FHIP1A: variants seen among roughly 807,000 people sequenced by gnomAD.
FHIP1A encodes FHF complex subunit HOOK interacting protein 1A.
In FHIP1A, 61 loss-of-function variants were observed where a neutral mutation model predicts 88.6. The ratio of observed to expected loss-of-function variants is 0.69; its 90% CI spans 0.56 to 0.85. The LOEUF is 0.85. Ranked by LOEUF, FHIP1A falls within the 40% of genes least tolerant of loss-of-function variation. The pLI, the probability that FHIP1A is intolerant of heterozygous loss-of-function variation, is 0.00. For synonymous variants in FHIP1A, 478 were observed against 496.0 expected (o/e 0.96, Z 0.48); for missense variants, 1,154 against 1,273.5 (o/e 0.91, Z 1.43).
At chr4:151,453,761 G>A (rs955482132) in intron 1 of FHIP1A, among the ~76,000 whole-genome samples, 14 of 152,064 alleles carry the variant, frequency 9.2e-5, no homozygotes, top group Non-Finnish European at 1.8e-4. Context: ...AGAATCGCTT[G>A]AACTGGGAGG....
chr4:151,573,134 G>A (rs573373561), intron 4 of FHIP1A, among the ~76,000 whole-genome samples: 1 of 152,206 alleles, frequency 6.6e-6, no homozygotes, highest in African/African-American at 2.4e-5. Context: ...TTTGAAATTA[G>A]GTTAAATTTA....
At chr4:151,539,297 C>T (rs1470036454) in intron 3 of FHIP1A, among the ~76,000 whole-genome samples, 2 of 152,044 alleles carry the variant, frequency 1.3e-5, no homozygotes, top group South Asian at 2.1e-4. Flanking sequence ...GTACAGTAGA[C>T]GTGGCCAGGC....
intron 2 of FHIP1A, among the ~76,000 whole-genome samples, chr4:151,480,832 C>A (rs28502777): frequency 0.38 from 57,713 of 151,634 alleles, 11,206 homozygotes; most frequent in Non-Finnish European, 0.43. Flanking sequence ...TGTGTCCCCC[C>A]ACCCCCATTT....
chr4:151,596,730 C>G (rs956977645), intron 7 of FHIP1A, among the ~76,000 whole-genome samples: 1 of 152,062 alleles, frequency 6.6e-6, no homozygotes, highest in Non-Finnish European at 1.5e-5. Context: ...CCTTTTCATT[C>G]TTTTTTTCTC....
intron 3 of FHIP1A, among the ~76,000 whole-genome samples, chr4:151,545,598 C>T (rs889527453): frequency 1.3e-5 from 2 of 151,718 alleles, no homozygotes; most frequent in Non-Finnish European, 2.9e-5. Flanking sequence ...AGGATGGTCT[C>T]GATCTCCTGA....
intron 1 of FHIP1A, among the ~76,000 whole-genome samples, chr4:151,411,214 A>C (rs1026580743): frequency 1.3e-5 from 2 of 152,204 alleles, no homozygotes; most frequent in African/African-American, 4.8e-5. Context: ...TTTCTCTGCT[A>C]AGTTCTTTCT....
intron 1 of FHIP1A, among the ~76,000 whole-genome samples, chr4:151,423,961 T>C (rs1195712082): frequency 3.3e-5 from 5 of 152,176 alleles, no homozygotes; most frequent in African/African-American, 9.7e-5. Flanking sequence ...CTAAACCATA[T>C]AGAAGGGGGA....
In FHIP1A at chr4:151,662,515, G is replaced by A. The variant is rs1326454435; in HGVS notation, c.2884G>A (p.Ala962Thr). 7 of 1,535,800 alleles carry A rather than the reference G, an allele frequency of 4.6e-6. No individual in the cohort carries two copies. Among genetic ancestry groups the A allele is most frequent in the Non-Finnish European group, 6.2e-6 (7 of 1,136,612 alleles). ...TCTGCTTTCAGATCCCATTCAGGAG[G>A]CTTCCAGGACAGGAAGTGGCAAGAA... is the stretch of plus-strand genomic sequence containing the variant. ...AALTKDPIQE[A>T]SRTGSGKNLL... The change falls in exon 14 of 14, where the codon GCT becomes ACT. Residue 962 changes from alanine (A) to threonine (T), a missense_variant. Ala to Thr is a moderately conservative substitution (Grantham distance 58). Transcript: ENST00000435205.
chr4:151,476,546 A>T lies in FHIP1A; in HGVS notation c.-247-5978A>T, dbSNP rs17634280. Among the ~76,000 whole-genome samples, 1,617 of 152,292 alleles carry T rather than the reference A, an allele frequency of 0.011. 111 individuals are homozygous for T. In the South Asian group the frequency reaches 0.21, roughly 20 times the overall value. On this transcript the variant is annotated intron_variant, in intron 2 of 13. Transcript: ENST00000435205. ...CTCAACCTAAAACCATCTGAGCCTAAATAGGAAATTTGAGAGCATTTCCAT... is the reference window on the plus strand; with the variant it reads ...CTCAACCTAAAACCATCTGAGCCTATATAGGAAATTTGAGAGCATTTCCAT...
intron 7 of FHIP1A, among the ~76,000 whole-genome samples, chr4:151,592,324 TGG>T (rs1734469244): frequency 6.6e-6 from 1 of 152,058 alleles, no homozygotes; most frequent in Non-Finnish European, 1.5e-5. Flanking sequence ...TTAGTAGAGA[TGG>T]GGTTTCACTG....
At chr4:151,464,610 G>C (rs548473287) in intron 2 of FHIP1A, among the ~76,000 whole-genome samples, 70 of 152,256 alleles carry the variant, frequency 4.6e-4, no homozygotes, top group Non-Finnish European at 8.5e-4. Flanking sequence ...ACTGCTCCAA[G>C]TTCTTCCTCT....
chr4:151,578,839 A>G (rs1347658897), intron 5 of FHIP1A, among the ~76,000 whole-genome samples: 1 of 152,226 alleles, frequency 6.6e-6, no homozygotes, highest in Non-Finnish European at 1.5e-5. Context: ...AAAACTTGGA[A>G]GCAACCAAGA....
rs1370735007 is a variant in FHIP1A at position 151,577,490 on chromosome 4, C to G, written c.146C>G (p.Thr49Ser). Reference sequence around the variant, plus strand: ...GAGAAGCACGACCCCTTGAAGAACACCCAGGCAAAATATGGGTCTATCCCT... The same window carrying G: ...GAGAAGCACGACCCCTTGAAGAACAGCCAGGCAAAATATGGGTCTATCCCT... Reference protein sequence around the residue: ...ILEKHDPLKNTQAKYGSIPPD... With the variant: ...ILEKHDPLKNSQAKYGSIPPD... The change falls in exon 5 of 14, where the codon ACC becomes AGC. Residue 49 changes from threonine to serine, a missense_variant. Physicochemically the swap from Thr to Ser is moderately conservative, Grantham distance 58. Transcript: ENST00000435205. 2 of 1,547,094 alleles carry G rather than the reference C, an allele frequency of 1.3e-6. No individual in the cohort carries two copies. Among genetic ancestry groups the G allele is most frequent in the Non-Finnish European group, 1.7e-6 (2 of 1,143,856 alleles).
chr4:151,597,204 G>C (rs562603058), intron 7 of FHIP1A, among the ~76,000 whole-genome samples: 1 of 152,210 alleles, frequency 6.6e-6, no homozygotes, highest in South Asian at 2.1e-4. Context: ...CTTCGGATGG[G>C]GTTTTTGAGT....
chr4:151,422,934 T>C (rs1250221412), intron 1 of FHIP1A, among the ~76,000 whole-genome samples: 1 of 152,190 alleles, frequency 6.6e-6, no homozygotes, highest in Non-Finnish European at 1.5e-5. Flanking sequence ...CCCCTCTCTT[T>C]CTAAGCTATT....
intron 3 of FHIP1A, among the ~76,000 whole-genome samples, chr4:151,506,074 A>G (rs530305555): frequency 2.6e-5 from 4 of 152,168 alleles, no homozygotes; most frequent in African/African-American, 7.2e-5. Flanking sequence ...AGCACATGCC[A>G]CCATGCATGG....
chr4:151,468,987 A>G (rs1217620516), intron 2 of FHIP1A, among the ~76,000 whole-genome samples: 1 of 151,816 alleles, frequency 6.6e-6, no homozygotes, highest in Non-Finnish European at 1.5e-5. Context: ...CCCAAGAACC[A>G]CCCCTGATAG....
At chr4:151,438,605 C>CTTTTTT (rs200467402) in intron 1 of FHIP1A, among the ~76,000 whole-genome samples, 2,838 of 132,344 alleles carry the variant, frequency 0.021, 57 homozygotes, top group Non-Finnish European at 0.025. Context: ...CGGTTTTTGC[C>CTTTTTT]TTTTTTTTTT....
rs868153800 is a variant in FHIP1A, at chr4:151,551,906, G to A, written c.-122-14232G>A. ...GAGTGAACAGGCAACCTACAGAATG[G>A]GAGAAAATTTTTGCAATCTACCCAT... On this transcript the variant is annotated intron_variant, in intron 3 of 13. Coordinates refer to ENST00000435205, the MANE Select transcript of FHIP1A (RefSeq NM_001109977.3). Among the ~76,000 whole-genome samples, 10 of 152,100 alleles carry A rather than the reference G, an allele frequency of 6.6e-5. No individual in the cohort carries two copies. In the Middle Eastern group the frequency reaches 0.014, roughly 207 times the overall value.
Sources: allele counts gnomAD v4.1 joint callset (sites outside exome capture counted in the v4.1 genomes callset), GRCh38; gene constraint gnomAD v4.1.1; transcripts MANE v1.5; gene names NCBI Gene and HGNC (gene_info 2026-07-23, HGNC 2026-07-21).